Variants in MAP2K4 observed in about 807,000 individuals in gnomAD.
MAP2K4 encodes the protein mitogen-activated protein kinase kinase 4.
A neutral mutation model predicts 48.5 loss-of-function variants in MAP2K4; 4 were observed. The observed-to-expected ratio is 0.08, with a 90% CI of 0.04 to 0.19. The LOEUF is 0.19. Ranked by LOEUF, MAP2K4 falls within the 10% of genes least tolerant of loss-of-function variation. The pLI is 1.00. For missense variants in MAP2K4, 258 were observed against 493.3 expected (o/e 0.52, Z 4.52); for synonymous variants, 166 against 173.1 (o/e 0.96, Z 0.32).
chr17:12,109,992 T>C (rs970557054), intron 5 of MAP2K4, among the ~76,000 whole-genome samples: 1 of 151,348 alleles, frequency 6.6e-6, no homozygotes, highest in Non-Finnish European at 1.5e-5. Flanking sequence ...TAGCCAGGCA[T>C]GCATCTGTAG....
At chr17:12,062,761 A>C (rs997966544) in intron 2 of MAP2K4, among the ~76,000 whole-genome samples, 1 of 152,196 alleles carries the variant, frequency 6.6e-6, no homozygotes, top group African/African-American at 2.4e-5. Flanking sequence ...TGGTTACTTT[A>C]AAAGGTTAGA....
intron 1 of MAP2K4, among the ~76,000 whole-genome samples, chr17:12,046,238 A>C (rs1446157314): frequency 1.3e-5 from 2 of 152,158 alleles, no homozygotes; most frequent in Non-Finnish European, 2.9e-5. Flanking sequence ...TCCATTTGGA[A>C]CCTTCTCAGA....
intron 1 of MAP2K4, among the ~76,000 whole-genome samples, chr17:12,026,504 C>T (rs1969257279): frequency 6.6e-6 from 1 of 152,192 alleles, no homozygotes. Context: ...ACTGTTCCTA[C>T]CTAATTTGAT....
At chr17:12,110,503 C>T (rs1297954173) in intron 6 of MAP2K4, 77 bp downstream of exon 6, 34 of 1,025,560 alleles carry the variant, frequency 3.3e-5, no homozygotes, top group Non-Finnish European at 5.0e-5. Context: ...TTGAAAATTA[C>T]AGTGTCACTG....
At chr17:12,021,351 G>T (rs1969040278) in intron 1 of MAP2K4, 1 of 159,646 alleles carries the variant, frequency 6.3e-6, no homozygotes, top group African/African-American at 2.4e-5. Flanking sequence ...CCGTTTCCGG[G>T]AACGCGCCGG....
intron 3 of MAP2K4, among the ~76,000 whole-genome samples, chr17:12,088,911 CTTTT>C (rs5819350): frequency 2.3e-5 from 3 of 128,222 alleles, no homozygotes; most frequent in Non-Finnish European, 3.3e-5. Flanking sequence ...AATACAGATT[CTTTT>C]TTTTTTTTTT....
At chr17:12,083,878 A>T (rs1971274934) in intron 3 of MAP2K4, among the ~76,000 whole-genome samples, 1 of 152,232 alleles carries the variant, frequency 6.6e-6, no homozygotes, top group African/African-American at 2.4e-5. Flanking sequence ...TAAAGGAACC[A>T]TGAGACGGTG....
intron 4 of MAP2K4, among the ~76,000 whole-genome samples, chr17:12,103,755 C>G (rs373221613): frequency 1.6e-4 from 25 of 151,962 alleles, no homozygotes; most frequent in African/African-American, 6.0e-4. Context: ...AAATGGAATC[C>G]TATATGCGTT....
At chr17:12,052,019 C>T (rs544244655) in intron 1 of MAP2K4, among the ~76,000 whole-genome samples, 16 of 152,158 alleles carry the variant, frequency 1.1e-4, no homozygotes, top group South Asian at 2.1e-4. Context: ...ATCTCACCTT[C>T]GGTTGACATT....
At chr17:12,021,230 G>C in intron 1 of MAP2K4, 1 of 300,286 alleles carries the variant, frequency 3.3e-6, no homozygotes. Context: ...CCTGCGCTTG[G>C]CCCCTGGGCC....
intron 9 of MAP2K4, among the ~76,000 whole-genome samples, chr17:12,132,098 G>C (rs887220182): frequency 6.6e-5 from 10 of 152,164 alleles, no homozygotes; most frequent in Non-Finnish European, 1.3e-4. Flanking sequence ...TATTGGTGAG[G>C]ATCTGAAGCA....
intron 3 of MAP2K4, among the ~76,000 whole-genome samples, chr17:12,088,210 C>T (rs1971427882): frequency 6.6e-6 from 1 of 151,854 alleles, no homozygotes; most frequent in South Asian, 2.1e-4. Context: ...TCCTCTACAT[C>T]ACTGACTTTG....
intron 9 of MAP2K4, among the ~76,000 whole-genome samples, chr17:12,138,602 T>C (rs1973280326): frequency 1.3e-5 from 2 of 151,924 alleles, no homozygotes; most frequent in Admixed American, 1.3e-4. Context: ...ACAGTTGAAA[T>C]CTGTGTTGCT....
chr17:12,113,099 C>T (rs537157022), intron 6 of MAP2K4, 134 bp from the exon 7 acceptor site: 4 of 613,406 alleles, frequency 6.5e-6, no homozygotes, highest in East Asian at 2.7e-5. Flanking sequence ...AGATGTTTTA[C>T]TTCTTATATA....
intron 2 of MAP2K4, among the ~76,000 whole-genome samples, chr17:12,075,355 G>A (rs1015369274): frequency 9.2e-5 from 14 of 152,158 alleles, no homozygotes; most frequent in African/African-American, 3.4e-4. Flanking sequence ...CTGCATGACA[G>A]CAAAAGAAAA....
At chr17:12,041,613 A>G (rs1969785623) in intron 1 of MAP2K4, among the ~76,000 whole-genome samples, 1 of 152,224 alleles carries the variant, frequency 6.6e-6, no homozygotes, top group African/African-American at 2.4e-5. Context: ...ACTTTTTCAG[A>G]GAACCTGCAT....
chr17:12,126,135 C>T (rs781523988), intron 8 of MAP2K4, among the ~76,000 whole-genome samples: 2 of 152,138 alleles, frequency 1.3e-5, no homozygotes, highest in Non-Finnish European at 2.9e-5. Context: ...GCCGCTCCTT[C>T]AACACATAGG....
rs78423043 is a variant in MAP2K4 at position 12,138,232 on chromosome 17, G to A, written c.1041-1607G>A. Among the ~76,000 whole-genome samples, 32 of 150,534 alleles carry A rather than the reference G, an allele frequency of 2.1e-4. No homozygotes were observed. The East Asian group carries it at 6.0e-3, about 28-fold the overall frequency. On this transcript the variant is annotated intron_variant, in intron 9 of 10. Transcript: ENST00000353533. Reference sequence around the variant, plus strand: ...TGCTTTGATCCTTGAATGGTGTGGAGGTTAGGGATGCTGACCCCCTGTACA... The same window carrying A: ...TGCTTTGATCCTTGAATGGTGTGGAAGTTAGGGATGCTGACCCCCTGTACA...
intron 4 of MAP2K4, among the ~76,000 whole-genome samples, chr17:12,106,184 A>C (rs1008702361): frequency 2.0e-5 from 3 of 152,046 alleles, no homozygotes; most frequent in African/African-American, 7.2e-5. Flanking sequence ...GGATGAAGTA[A>C]ATGTGCTGTA....
Sources: gnomAD v4.1 joint callset for allele counts (sites outside exome capture counted in the v4.1 genomes callset) on GRCh38, gnomAD v4.1.1 for gene constraint, MANE v1.5 for transcripts, NCBI Gene and HGNC (gene_info 2026-07-23, HGNC 2026-07-21) for gene names.